Variants in PCDH11X observed in about 807,000 individuals in gnomAD.
The protein encoded by PCDH11X is protocadherin 11 X-linked, also known as protocadherin-11 X-linked.
Under a neutral mutation model 53.3 loss-of-function variants are expected in PCDH11X, and 18 were observed. That is an observed-to-expected ratio of 0.34 (90% CI 0.23 to 0.50). PCDH11X has a LOEUF of 0.50. Among genes scored for constraint, PCDH11X ranks in the 20% least tolerant of loss-of-function variants. The probability of loss-of-function intolerance (pLI) is 0.98; values close to 1 mark genes in which losing one functional copy is unlikely to be tolerated. For missense variants in PCDH11X, 570 were observed against 1,032.4 expected (o/e 0.55, Z 6.14); for synonymous variants, 279 against 393.3 (o/e 0.71, Z 3.44).
At chrX:92,265,127 AC>A (rs1206005725) in intron 8 of PCDH11X, among the ~76,000 whole-genome samples, 1 of 109,417 alleles carries the variant, frequency 9.1e-6, no homozygotes, top group Non-Finnish European at 1.9e-5. Context: ...GTGCAATGGC[AC>A]GATGGATCAC....
chrX:92,089,247 T>G (rs2064007415), intron 6 of PCDH11X, among the ~76,000 whole-genome samples: 1 of 111,480 alleles, frequency 9.0e-6, no homozygotes, highest in Non-Finnish European at 1.9e-5. Flanking sequence ...TATCCATTCA[T>G]TAAAACTGAG....
chrX:91,932,671 A>AAT (rs769938531), intron 6 of PCDH11X, among the ~76,000 whole-genome samples: 7 of 94,637 alleles, frequency 7.4e-5, no homozygotes, highest in Non-Finnish European at 1.5e-4. Context: ...GCATTGTGTG[A>AAT]GTGTGTGTGT....
At chrX:91,911,806 T>C (rs1941378674) in intron 6 of PCDH11X, among the ~76,000 whole-genome samples, 1 of 110,988 alleles carries the variant, frequency 9.0e-6, no homozygotes, top group Non-Finnish European at 1.9e-5. Flanking sequence ...ACATTTTTTT[T>C]CTACTTCTAT....
chrX:92,252,376 C>A (rs1404712681), intron 7 of PCDH11X, among the ~76,000 whole-genome samples: 3 of 101,393 alleles, frequency 3.0e-5, no homozygotes, highest in Non-Finnish European at 6.3e-5. Context: ...TGTCATGTTA[C>A]ACACACACAC....
rs200382213 is a variant in PCDH11X, at chrX:92,622,883, TAAA to T, written c.*3949_*3951del. ...GCTCAGAAAAATGTATGTGCACAAA[TAAA>T]AAAAATTAATGGCAATTGTTTAGTG... On this transcript the variant is annotated 3_prime_UTR_variant, in exon 11 of 11. Coordinates refer to ENST00000682573, the MANE Select transcript of PCDH11X (RefSeq NM_032968.5). The T allele has an allele frequency of 6.3e-5, 7 of 110,997 alleles. No homozygotes were observed. Among genetic ancestry groups the T allele is most frequent in the Non-Finnish European group, 1.3e-4 (7 of 52,805 alleles). 9.1% of individuals were successfully genotyped at this position (110,997 alleles called of 1,213,427 possible).
chrX:92,551,214 G>A (rs2074948088), intron 10 of PCDH11X, among the ~76,000 whole-genome samples: 1 of 111,481 alleles, frequency 9.0e-6, no homozygotes, highest in Non-Finnish European at 1.9e-5. Flanking sequence ...CAGTGTACTA[G>A]GGTTCCCTTT....
chrX:92,345,177 A>T (rs1300845691), intron 8 of PCDH11X, among the ~76,000 whole-genome samples: 2 of 111,072 alleles, frequency 1.8e-5, no homozygotes, highest in Admixed American at 1.9e-4. Flanking sequence ...AGATACAATA[A>T]TATAGCCTTA....
intron 8 of PCDH11X, among the ~76,000 whole-genome samples, chrX:92,286,207 G>A (rs1464777069): frequency 9.4e-6 from 1 of 106,768 alleles, no homozygotes; most frequent in African/African-American, 3.4e-5. Flanking sequence ...GATCATCATG[G>A]CTAAAGATAA....
rs1250370380 is a variant in PCDH11X, at chrX:91,826,305, T to A, written c.-44-9156T>A. Among the ~76,000 whole-genome samples the A allele has an allele frequency of 1.8e-4, 20 of 111,151 alleles. No homozygotes were observed. The Admixed American group carries it at 1.9e-3, about 11-fold the overall frequency. On this transcript the variant is annotated intron_variant, in intron 4 of 10. Coordinates refer to ENST00000682573, the MANE Select transcript of PCDH11X (RefSeq NM_032968.5). ...AGAACATCTTGTAAATACATTTGAA[T>A]TTTCTCTTATAGATGCTATTCCTTC... is the stretch of plus-strand genomic sequence containing the variant.
At chrX:92,410,259 C>T (rs1219537121) in intron 9 of PCDH11X, among the ~76,000 whole-genome samples, 1 of 109,511 alleles carries the variant, frequency 9.1e-6, no homozygotes, top group Non-Finnish European at 1.9e-5. Flanking sequence ...AAGCAATTTT[C>T]TCTTCTCCTC....
intron 6 of PCDH11X, among the ~76,000 whole-genome samples, chrX:92,164,025 T>C (rs887163156): frequency 9.8e-5 from 11 of 112,117 alleles, no homozygotes; most frequent in Non-Finnish European, 2.1e-4. Context: ...TTTTAATTAC[T>C]GTATTATGTT....
chrX:91,996,159 T>TG (rs2062418708), intron 6 of PCDH11X, among the ~76,000 whole-genome samples: 1 of 91,163 alleles, frequency 1.1e-5, no homozygotes, highest in African/African-American at 4.2e-5. Context: ...TTTTTTTTTT[T>TG]TTTTGAGACG....
At chrX:92,202,877 G>T (rs1233112888) in intron 7 of PCDH11X, among the ~76,000 whole-genome samples, 1 of 110,860 alleles carries the variant, frequency 9.0e-6, no homozygotes, top group African/African-American at 3.3e-5. Flanking sequence ...AAAAAAATTA[G>T]CCGGGCATGG....
intron 10 of PCDH11X, among the ~76,000 whole-genome samples, chrX:92,600,264 C>A (rs1241761136): frequency 9.1e-6 from 1 of 109,862 alleles, no homozygotes; most frequent in South Asian, 3.8e-4. Context: ...GGAAAAATTT[C>A]TCCAGGACAT....
intron 10 of PCDH11X, among the ~76,000 whole-genome samples, chrX:92,500,386 A>G (rs1399095748): frequency 9.0e-6 from 1 of 110,980 alleles, no homozygotes; most frequent in Non-Finnish European, 1.9e-5. Flanking sequence ...GGTATAAAAT[A>G]TAATGGAGGA....
intron 1 of PCDH11X, among the ~76,000 whole-genome samples, chrX:91,781,514 A>G (rs1935143355): frequency 8.8e-6 from 1 of 113,125 alleles, no homozygotes; most frequent in African/African-American, 3.2e-5. Context: ...AAAATAGAAA[A>G]GGAAACGGTA....
intron 8 of PCDH11X, among the ~76,000 whole-genome samples, chrX:92,264,325 T>A (rs1370699402): frequency 1.8e-5 from 2 of 111,698 alleles, no homozygotes; most frequent in Admixed American, 9.6e-5. Context: ...CCTCTCTGAA[T>A]CATACTGAGT....
chrX:92,011,161 T>C (rs926594463), intron 6 of PCDH11X, among the ~76,000 whole-genome samples: 2 of 112,252 alleles, frequency 1.8e-5, no homozygotes, highest in Non-Finnish European at 3.8e-5. Flanking sequence ...GTTTTTGCTA[T>C]TGGGAATAGT....
intron 6 of PCDH11X, among the ~76,000 whole-genome samples, chrX:91,900,655 A>G (rs1319232736): frequency 9.1e-6 from 1 of 109,948 alleles, no homozygotes; most frequent in Admixed American, 9.8e-5. Flanking sequence ...AAAACACTGA[A>G]ATGATGGGCC....
Sources: gnomAD v4.1 joint callset for allele counts (sites outside exome capture counted in the v4.1 genomes callset) on GRCh38, gnomAD v4.1.1 for gene constraint, MANE v1.5 for transcripts, NCBI Gene and HGNC (gene_info 2026-07-23, HGNC 2026-07-21) for gene names.